The following PHYHD1 variants were observed in gnomAD, a reference collection of about 807,000 sequenced individuals.
PHYHD1 encodes phytanoyl-CoA dioxygenase domain containing 1.
A neutral mutation model predicts 43.6 loss-of-function variants in PHYHD1; 42 were observed. That is an observed-to-expected ratio of 0.96 (90% CI 0.75 to 1.25). The LOEUF (loss-of-function observed/expected upper bound fraction) is 1.25, where lower values mean the gene tolerates loss of function less well. Ranked by LOEUF, PHYHD1 falls within the 50% of genes most tolerant of loss-of-function variation. PHYHD1 has a pLI of 0.00. For missense variants in PHYHD1, 342 were observed against 370.8 expected (o/e 0.92, Z 0.64); for synonymous variants, 139 against 143.6 (o/e 0.97, Z 0.23).
At position 128,937,756 on chromosome 9, in the gene PHYHD1, G is replaced by A. The variant is rs1841461059; in HGVS notation, c.436-1G>A. The A allele has an allele frequency of 2.5e-6, 4 of 1,613,986 alleles. No individual in the cohort carries two copies. Among genetic ancestry groups the A allele is most frequent in the Non-Finnish European group, 2.5e-6 (3 of 1,180,020 alleles). On this transcript the variant is annotated splice_acceptor_variant, in intron 8 of 12. Transcript: ENST00000372592. LOFTEE classifies it high-confidence loss of function. ...CACCAGGCTTTTCCTCTCTCTTGCA[G>A]CAACCTCACTTTGGCGGTGAAGGTG...
intron 3 of PHYHD1, among the ~76,000 whole-genome samples, chr9:128,926,562 T>C (rs564824208): frequency 9.2e-4 from 137 of 148,454 alleles, no homozygotes; most frequent in African/African-American, 3.1e-3. Context: ...TTCTTTCTTT[T>C]TTTTTTTTTT....
intron 4 of PHYHD1, 97 bp downstream of exon 4, chr9:128,927,293 CCAGGGTGT>C: frequency 1.3e-6 from 2 of 1,506,314 alleles, no homozygotes; most frequent in South Asian, 2.3e-5. Context: ...TCCCAAGGCT[CCAGGGTGT>C]CAGGCCAAGC....
At chr9:128,938,588 A>G (rs1305078008) in intron 9 of PHYHD1, among the ~76,000 whole-genome samples, 3 of 151,698 alleles carry the variant, frequency 2.0e-5, no homozygotes, top group Non-Finnish European at 4.4e-5. Flanking sequence ...CGCCCAGCTA[A>G]TTTTTTGTAT....
chr9:128,931,717 C>T (rs1841281782), intron 4 of PHYHD1, among the ~76,000 whole-genome samples: 1 of 151,834 alleles, frequency 6.6e-6, no homozygotes, highest in Admixed American at 6.6e-5. Flanking sequence ...TTAGTAGAGA[C>T]AGGGTTTCAC....
chr9:128,922,936 CTTTTTTTTTTT>C (rs59238657), intron 3 of PHYHD1, among the ~76,000 whole-genome samples: 4 of 90,676 alleles, frequency 4.4e-5, no homozygotes, highest in African/African-American at 1.9e-4. Context: ...ATGCCCAGCT[CTTTTTTTTTTT>C]TTTTTTTTTT....
At chr9:128,929,089 G>A (rs1841208140) in intron 4 of PHYHD1, among the ~76,000 whole-genome samples, 1 of 152,194 alleles carries the variant, frequency 6.6e-6, no homozygotes, top group Admixed American at 6.5e-5. Flanking sequence ...AGCAGTTTGG[G>A]AGGCCAAGCA....
Position 128,921,970 on chromosome 9 carries a change from G to C in PHYHD1, c.-119G>C, listed in dbSNP as rs1588241639. Reference sequence around the variant, plus strand: ...GAGGCAGGCGTTCCTCAGAGTCACAGGGAATGGCGGCGCCTGGACTGGGAC... The same window carrying C: ...GAGGCAGGCGTTCCTCAGAGTCACACGGAATGGCGGCGCCTGGACTGGGAC... On this transcript the variant is annotated 5_prime_UTR_variant, in exon 2 of 13. Coordinates refer to ENST00000372592, the MANE Select transcript of PHYHD1 (RefSeq NM_001100876.2). The C allele has an allele frequency of 3.2e-6, 1 of 312,398 alleles. No individual in the cohort carries two copies. Among genetic ancestry groups the C allele is most frequent in the East Asian group, 6.9e-5 (1 of 14,424 alleles). 19.4% of individuals were successfully genotyped at this position (312,398 alleles called of 1,614,324 possible).
rs1229801759 is a variant in PHYHD1 at position 128,926,851 on chromosome 9, T to C, written c.34-187T>C. On this transcript the variant is annotated intron_variant, in intron 3 of 12. Coordinates refer to ENST00000372592, the MANE Select transcript of PHYHD1 (RefSeq NM_001100876.2). ...GAGCCACTGCACCCGGCCTCACTAC[T>C]TGTTCTTCCATTCAAGCAGCCAATA... The C allele has an allele frequency of 9.1e-6, 7 of 771,784 alleles. No individual in the cohort carries two copies. The Admixed American group carries it at 1.2e-4, about 13-fold the overall frequency. 47.8% of individuals were successfully genotyped at this position (771,784 alleles called of 1,614,324 possible).
chr9:128,921,110 TTTG>T lies in PHYHD1; in HGVS notation c.-715_-713del, dbSNP rs1454861451. The T allele has an allele frequency of 6.6e-6, 1 of 152,152 alleles. No homozygotes were observed. Among genetic ancestry groups the T allele is most frequent in the East Asian group, 1.9e-4 (1 of 5,170 alleles). 9.4% of individuals were successfully genotyped at this position (152,152 alleles called of 1,614,324 possible). ...GCAAGTGTTATTCTCTCTTTTTGTTTTTGTTTTTGTTTTTTGAGATGGAGTCTT... is the reference window on the plus strand; with the variant it reads ...GCAAGTGTTATTCTCTCTTTTTGTTTTTTTTGTTTTTTGAGATGGAGTCTT... On this transcript the variant is annotated 5_prime_UTR_variant, in exon 1 of 13. Coordinates refer to ENST00000372592, the MANE Select transcript of PHYHD1 (RefSeq NM_001100876.2).
At chr9:128,941,616 C>A in intron 12 of PHYHD1, 45 bp downstream of exon 12, 1 of 1,614,166 alleles carries the variant, frequency 6.2e-7, no homozygotes, top group Non-Finnish European at 8.5e-7. Context: ...CCCCTGGAGG[C>A]TGGGAACAGT....
chr9:128,941,347 A>C, intron 11 of PHYHD1, 98 bp from the exon 12 acceptor site: 1 of 1,516,932 alleles, frequency 6.6e-7, no homozygotes, highest in Non-Finnish European at 8.9e-7. Flanking sequence ...GATGGGGGCC[A>C]CAAAACCACT....
chr9:128,931,115 T>G (rs929450879), intron 4 of PHYHD1, among the ~76,000 whole-genome samples: 1 of 152,048 alleles, frequency 6.6e-6, no homozygotes, highest in Admixed American at 6.6e-5. Context: ...AGCCAGGATT[T>G]TTTTGTTTTG....
At position 128,937,796 on chromosome 9, in the gene PHYHD1, G is replaced by A. The variant is rs1393885248; in HGVS notation, c.457+18G>A. Reference sequence around the variant, plus strand: ...CGGTGAAGGTGAGCTGAGAGCTGTGGGCCCCTGAAAAGGCCATGGGTGGGA... The same window carrying A: ...CGGTGAAGGTGAGCTGAGAGCTGTGAGCCCCTGAAAAGGCCATGGGTGGGA... On this transcript the variant is annotated intron_variant, in intron 9 of 12. Coordinates refer to ENST00000372592, the MANE Select transcript of PHYHD1 (RefSeq NM_001100876.2). 6.2e-7 allele frequency: 1 copy of A among 1,613,900 alleles called. No individual in the cohort carries two copies. Among genetic ancestry groups the A allele is most frequent in the Non-Finnish European group, 8.5e-7 (1 of 1,180,024 alleles).
intron 4 of PHYHD1, 120 bp from the exon 5 acceptor site, chr9:128,933,662 G>A: frequency 9.4e-7 from 1 of 1,066,842 alleles, no homozygotes; most frequent in South Asian, 1.3e-5. Flanking sequence ...AGTCTGAGAA[G>A]CCCCCAGGGT....
chr9:128,941,666 A>G lies in PHYHD1; in HGVS notation c.831-2A>G, dbSNP rs1231257687. 1.9e-6 allele frequency: 3 copies of G among 1,614,048 alleles called. No individual in the cohort carries two copies. The highest frequency in any genetic ancestry group is 2.7e-5 in the African/African-American group (2 of 74,912). On this transcript the variant is annotated splice_acceptor_variant, in intron 12 of 12. Coordinates refer to ENST00000372592, the MANE Select transcript of PHYHD1 (RefSeq NM_001100876.2). LOFTEE classifies it high-confidence loss of function. ...AGGTTGTTTCTCCTCTATCCTCTGC[A>G]GGCTCCAGCCAACAGCTGAACTGCC...
intron 3 of PHYHD1, among the ~76,000 whole-genome samples, chr9:128,924,003 T>C (rs1176005563): frequency 6.6e-6 from 1 of 151,642 alleles, no homozygotes; most frequent in Non-Finnish European, 1.5e-5. Context: ...CCTGTAATCC[T>C]AGCTACTCAG....
chr9:128,933,023 A>AT lies in PHYHD1; in HGVS notation c.193-751dup, dbSNP rs1319597007. Reference sequence around the variant, plus strand: ...CCACCATGCCCGGCTAATTTTTTGTATTTTTTTTAGTAGAGACGGGGATTT... The same window carrying AT: ...CCACCATGCCCGGCTAATTTTTTGTATTTTTTTTTAGTAGAGACGGGGATTT... On this transcript the variant is annotated intron_variant, in intron 4 of 12. Coordinates refer to ENST00000372592, the MANE Select transcript of PHYHD1 (RefSeq NM_001100876.2). Among the ~76,000 whole-genome samples the AT allele has an allele frequency of 1.2e-4, 15 of 129,176 alleles. 1 individual carries two copies. In the Admixed American group the frequency reaches 1.2e-3, roughly 11 times the overall value. The allele number at this position is 129,176 out of a possible 152,430, so 84.7% of individuals were successfully genotyped here. A position where few individuals can be genotyped will look rare whatever the true frequency, so the allele number is the denominator to read the frequency against.
chr9:128,941,279 C>T (rs1170568869), intron 11 of PHYHD1, among the ~76,000 whole-genome samples, 166 bp from the exon 12 acceptor site: 1 of 152,086 alleles, frequency 6.6e-6, no homozygotes, highest in Non-Finnish European at 1.5e-5. Flanking sequence ...AATAGCTTAG[C>T]TTTTGTCCCT....
At chr9:128,937,386 G>A (rs965190729) in intron 8 of PHYHD1, among the ~76,000 whole-genome samples, 2 of 152,180 alleles carry the variant, frequency 1.3e-5, no homozygotes, top group Non-Finnish European at 2.9e-5. Flanking sequence ...GGCCAGCTCA[G>A]TGCCACCTCT....
Sources: gnomAD v4.1 joint callset for allele counts (sites outside exome capture counted in the v4.1 genomes callset) on GRCh38, gnomAD v4.1.1 for gene constraint, MANE v1.5 for transcripts, NCBI Gene and HGNC (gene_info 2026-07-23, HGNC 2026-07-21) for gene names.